ITPR1: variants seen among roughly 807,000 people sequenced by gnomAD.
ITPR1 encodes inositol 1,4,5-trisphosphate-gated calcium channel ITPR1.
Under a neutral mutation model 318.4 loss-of-function variants are expected in ITPR1, and 96 were observed. The ratio of observed to expected loss-of-function variants is 0.30; its 90% CI spans 0.26 to 0.36. The LOEUF is 0.36. ITPR1 is among the 10% of genes least tolerant of loss of function. The pLI, the probability that ITPR1 is intolerant of heterozygous loss-of-function variation, is 1.00. For missense variants in ITPR1, 2,440 were observed against 3,460.2 expected (o/e 0.71, Z 7.40); for synonymous variants, 1,312 against 1,289.9 (o/e 1.02, Z -0.37).
chr3:4,532,477 C>G (rs1382129475), intron 4 of ITPR1, among the ~76,000 whole-genome samples: 6 of 152,136 alleles, frequency 3.9e-5, no homozygotes, highest in Non-Finnish European at 5.9e-5. Context: ...TGATCTTCCC[C>G]CCTCAGCCTC....
In ITPR1 at chr3:4,808,884, G is replaced by A. The variant is rs181042098; in HGVS notation, c.7273-2381G>A. Reference sequence around the variant, plus strand: ...CCCCCCTCCCCCACAAAGACTGGCCGGACCTGGTCGTGAGCCTGCATTAAA... The same window carrying A: ...CCCCCCTCCCCCACAAAGACTGGCCAGACCTGGTCGTGAGCCTGCATTAAA... On this transcript the variant is annotated intron_variant, in intron 55 of 61. Transcript: ENST00000649015. 2.9e-3 allele frequency among the ~76,000 whole-genome samples: 440 copies of A among 152,240 alleles called. 5 individuals are homozygous for A. The highest frequency in any genetic ancestry group is 0.018 in the South Asian group (87 of 4,820).
rs574185072 is a variant in ITPR1, at chr3:4,652,171, C to G, written c.904C>G (p.Leu302Val). 6.2e-7 allele frequency: 1 copy of G among 1,612,974 alleles called. No individual in the cohort carries two copies. The highest frequency in any genetic ancestry group is 2.2e-5 in the East Asian group (1 of 44,870). ...GGGCGGAGCAGGGTATTGGAACAGCCTTTTCCGTTTCAAGCATCTGGCCAC... is the reference window on the plus strand; with the variant it reads ...GGGCGGAGCAGGGTATTGGAACAGCGTTTTCCGTTTCAAGCATCTGGCCAC... ...CRGGAGYWNS[L>V]FRFKHLATGH... Residue 302 changes from leucine to valine, a missense_variant, in exon 11 of 62, where the codon CTT (leucine) becomes GTT (valine). Coordinates refer to ENST00000649015, the MANE Select transcript of ITPR1 (RefSeq NM_001378452.1).
At chr3:4,505,620 G>A (rs2081342483) in intron 2 of ITPR1, among the ~76,000 whole-genome samples, 1 of 152,204 alleles carries the variant, frequency 6.6e-6, no homozygotes, top group African/African-American at 2.4e-5. Flanking sequence ...AGAAAGAATG[G>A]GGAAGGCTGA....
At chr3:4,512,687 A>G (rs868276008) in intron 2 of ITPR1, among the ~76,000 whole-genome samples, 3 of 152,292 alleles carry the variant, frequency 2.0e-5, no homozygotes, top group Middle Eastern at 3.4e-3. Context: ...AAAAATAACT[A>G]GCATAGATTA....
intron 42 of ITPR1, among the ~76,000 whole-genome samples, chr3:4,729,551 C>T (rs929345693): frequency 1.3e-5 from 2 of 152,180 alleles, no homozygotes. Context: ...TTCTCTCTCT[C>T]CTTTGTGTGT....
At chr3:4,823,893 TAA>T (rs1038750959) in intron 60 of ITPR1, among the ~76,000 whole-genome samples, 2 of 152,182 alleles carry the variant, frequency 1.3e-5, no homozygotes, top group African/African-American at 4.8e-5. Flanking sequence ...GAAAAAAATA[TAA>T]GACATGTCTT....
At chr3:4,618,546 A>G (rs894848352) in intron 4 of ITPR1, among the ~76,000 whole-genome samples, 1 of 152,224 alleles carries the variant, frequency 6.6e-6, no homozygotes, top group Non-Finnish European at 1.5e-5. Context: ...AGCCAAAGAC[A>G]TATTGGAATT....
chr3:4,539,371 G>C (rs776028995), intron 4 of ITPR1, among the ~76,000 whole-genome samples: 1 of 152,070 alleles, frequency 6.6e-6, no homozygotes, highest in Non-Finnish European at 1.5e-5. Flanking sequence ...ATGTTCTACT[G>C]TGCTTGAAAG....
At chr3:4,620,354 T>C (rs2092579050) in intron 4 of ITPR1, among the ~76,000 whole-genome samples, 1 of 152,196 alleles carries the variant, frequency 6.6e-6, no homozygotes, top group South Asian at 2.1e-4. Context: ...AAGGAACAGA[T>C]GTCTGGACTA....
intron 45 of ITPR1, among the ~76,000 whole-genome samples, chr3:4,768,038 G>T (rs2045932032): frequency 6.6e-6 from 1 of 152,212 alleles, no homozygotes; most frequent in South Asian, 2.1e-4. Context: ...ACCTCACAGG[G>T]TTATTCTGAG....
chr3:4,534,529 T>C (rs2083687584), intron 4 of ITPR1, among the ~76,000 whole-genome samples: 1 of 152,204 alleles, frequency 6.6e-6, no homozygotes, highest in South Asian at 2.1e-4. Context: ...GTGTTTTCCT[T>C]TCCAAAACAA....
At chr3:4,695,691 GC>G (rs893576948) in intron 33 of ITPR1, among the ~76,000 whole-genome samples, 2 of 152,122 alleles carry the variant, frequency 1.3e-5, no homozygotes, top group African/African-American at 4.8e-5. Context: ...ATCATTCCAT[GC>G]CTTTTTAAGT....
At chr3:4,624,539 A>G (rs1293052843) in intron 4 of ITPR1, among the ~76,000 whole-genome samples, 2 of 151,824 alleles carry the variant, frequency 1.3e-5, no homozygotes, top group East Asian at 1.9e-4. Context: ...CATGGTGGTG[A>G]GCACCTGTAA....
intron 4 of ITPR1, among the ~76,000 whole-genome samples, chr3:4,560,441 A>C (rs549320178): frequency 1.3e-4 from 20 of 152,326 alleles, no homozygotes; most frequent in African/African-American, 4.8e-4. Context: ...TGTTGATATC[A>C]ACTTCCTGAC....
At chr3:4,536,544 A>G (rs2083892601) in intron 4 of ITPR1, among the ~76,000 whole-genome samples, 1 of 152,248 alleles carries the variant, frequency 6.6e-6, no homozygotes, top group Non-Finnish European at 1.5e-5. Flanking sequence ...CCCTGCCCTT[A>G]AGGAATTTGC....
At chr3:4,786,154 C>A (rs2047185234) in intron 51 of ITPR1, among the ~76,000 whole-genome samples, 1 of 152,180 alleles carries the variant, frequency 6.6e-6, no homozygotes, top group African/African-American at 2.4e-5. Context: ...AAGCACTTGT[C>A]CATAGTCCAC....
intron 4 of ITPR1, among the ~76,000 whole-genome samples, chr3:4,615,737 T>C (rs2686613): frequency 0.1 from 15,593 of 152,106 alleles, 2,603 homozygotes; most frequent in African/African-American, 0.35. Context: ...GTAATCATTG[T>C]AAGTAGCTAA....
chr3:4,799,726 C>G (rs894789865), intron 53 of ITPR1: 12 of 152,054 alleles, frequency 7.9e-5, no homozygotes, highest in Admixed American at 3.9e-4. Context: ...GTGGGACACT[C>G]TAAATAGAAC....
At chr3:4,838,480 C>A (rs1371320654) in intron 61 of ITPR1, among the ~76,000 whole-genome samples, 1 of 151,870 alleles carries the variant, frequency 6.6e-6, no homozygotes, top group Non-Finnish European at 1.5e-5. Context: ...TAGTTATCTT[C>A]TTCTCCCATT....
Sources: gnomAD v4.1 joint callset for allele counts (sites outside exome capture counted in the v4.1 genomes callset) on GRCh38, gnomAD v4.1.1 for gene constraint, MANE v1.5 for transcripts, NCBI Gene and HGNC (gene_info 2026-07-23, HGNC 2026-07-21) for gene names.